BCL2L14: variants seen among roughly 807,000 people sequenced by gnomAD.
BCL2L14 encodes BCL2 like 14.
A neutral mutation model predicts 35.3 loss-of-function variants in BCL2L14; 27 were observed. That is an observed-to-expected ratio of 0.76 (90% CI 0.56 to 1.05). The LOEUF (loss-of-function observed/expected upper bound fraction) is 1.05. Ranked by LOEUF, BCL2L14 falls within the 50% of genes least tolerant of loss-of-function variation. The probability of loss-of-function intolerance (pLI) is 0.00; values close to 1 mark genes in which losing one functional copy is unlikely to be tolerated. For missense variants in BCL2L14, 377 were observed against 382.6 expected (o/e 0.99, Z 0.12); for synonymous variants, 139 against 145.9 (o/e 0.95, Z 0.34).
intron 4 of BCL2L14, among the ~76,000 whole-genome samples, 194 bp downstream of exon 4, chr12:12,091,043 A>G (rs753966181): frequency 6.6e-5 from 10 of 152,262 alleles, no homozygotes; most frequent in Non-Finnish European, 8.8e-5. Flanking sequence ...TTTGGAAAAC[A>G]TAAGTAAACC....
At chr12:12,081,881 G>A (rs1284905469) in intron 2 of BCL2L14, among the ~76,000 whole-genome samples, 5 of 152,064 alleles carry the variant, frequency 3.3e-5, no homozygotes, top group Non-Finnish European at 7.4e-5. Context: ...TAAAAGAAAG[G>A]CCCCCTCCTG....
intron 1 of BCL2L14, among the ~76,000 whole-genome samples, chr12:12,050,814 G>GAAAAGA: frequency 9.0e-6 from 1 of 111,544 alleles, no homozygotes; most frequent in East Asian, 2.7e-4. Flanking sequence ...AAAAAAAAAA[G>GAAAAGA]AAAAGAAAAG....
At chr12:12,082,190 G>A (rs908888496) in intron 2 of BCL2L14, among the ~76,000 whole-genome samples, 3 of 152,326 alleles carry the variant, frequency 2.0e-5, no homozygotes, top group East Asian at 1.9e-4. Flanking sequence ...GCAGAGCCTG[G>A]ACTCACCAGA....
intron 1 of BCL2L14, among the ~76,000 whole-genome samples, chr12:12,073,757 G>A (rs1948720069): frequency 6.6e-6 from 1 of 152,176 alleles, no homozygotes; most frequent in Non-Finnish European, 1.5e-5. Flanking sequence ...GGACCAGGGT[G>A]CACATCTGGC....
At chr12:12,071,878 C>G (rs1641717) in intron 1 of BCL2L14, 109,716 of 152,458 alleles carry the variant, frequency 0.72, 39,599 homozygotes, top group Admixed American at 0.78. Context: ...GCAGAAGGCA[C>G]GAAGAGCCTG....
rs67926025 is a variant in BCL2L14, at chr12:12,090,645, AT to A, written c.608-133del. 7.3e-3 allele frequency: 2,955 copies of A among 404,304 alleles called. 8 individuals carry two copies. Among genetic ancestry groups the A allele is most frequent in the African/African-American group, 0.019 (557 of 30,028 alleles). 25.0% of individuals were successfully genotyped at this position (404,304 alleles called of 1,614,324 possible). On this transcript the variant is annotated intron_variant, in intron 3 of 5. Coordinates refer to ENST00000308721, the MANE Select transcript of BCL2L14 (RefSeq NM_138723.2). The stretch of plus-strand genomic sequence containing the variant: ...CAAAACTCTGTCTAAAAAATAAAAA[AT>A]AAAAAAAAAAAAAAGAATTAGCATG...
intron 5 of BCL2L14, chr12:12,095,432 C>G (rs1949295075): frequency 2.0e-6 from 2 of 985,264 alleles, no homozygotes; most frequent in Admixed American, 6.1e-5. Flanking sequence ...AAAAAGCCAA[C>G]AGTTAAACTT....
At chr12:12,087,775 T>C (rs576044884) in intron 3 of BCL2L14, among the ~76,000 whole-genome samples, 1 of 152,206 alleles carries the variant, frequency 6.6e-6, no homozygotes, top group Non-Finnish European at 1.5e-5. Flanking sequence ...TATTATAACA[T>C]TGCTTTAGGG....
intron 5 of BCL2L14, chr12:12,096,230 A>G (rs1949309104): frequency 1.1e-6 from 1 of 886,264 alleles, no homozygotes; most frequent in Non-Finnish European, 1.4e-6. Flanking sequence ...TCCTCTTAAT[A>G]TATTTTCTCA....
chr12:12,068,546 G>A (rs1279574547), upstream of BCL2L14, among the ~76,000 whole-genome samples: 1 of 152,054 alleles, frequency 6.6e-6, no homozygotes, highest in African/African-American at 2.4e-5. Flanking sequence ...AGGACTACAG[G>A]CATGTGCCAC....
chr12:12,059,220 T>C (rs1948485145), intron 2 of BCL2L14, among the ~76,000 whole-genome samples: 1 of 151,796 alleles, frequency 6.6e-6, no homozygotes, highest in African/African-American at 2.4e-5. Flanking sequence ...CCTTGGTCCT[T>C]CACCCTTAGC....
intron 1 of BCL2L14, among the ~76,000 whole-genome samples, chr12:12,075,089 CT>C (rs976014485): frequency 1.3e-5 from 2 of 151,004 alleles, no homozygotes; most frequent in Non-Finnish European, 3.0e-5. Context: ...ATTGATGTCT[CT>C]TTTTTTTTAA....
intron 2 of BCL2L14, among the ~76,000 whole-genome samples, chr12:12,059,573 G>T (rs996820047): frequency 2.0e-5 from 3 of 149,132 alleles, no homozygotes; most frequent in African/African-American, 7.5e-5. Flanking sequence ...TCCTATCTCT[G>T]TGCCTGACCC....
chr12:12,064,979 T>A (rs1205067465), intron 2 of BCL2L14, among the ~76,000 whole-genome samples: 1 of 152,184 alleles, frequency 6.6e-6, no homozygotes, highest in African/African-American at 2.4e-5. Context: ...TATTTTGTCT[T>A]CACTCAAACC....
At chr12:12,096,648 CTTCAT>C (rs1387454613) in intron 5 of BCL2L14, among the ~76,000 whole-genome samples, 1 of 152,214 alleles carries the variant, frequency 6.6e-6, no homozygotes, top group Non-Finnish European at 1.5e-5. Context: ...TGTTTGACAT[CTTCAT>C]TTCAACAGTA....
At chr12:12,053,321 G>A (rs1393265446) in intron 2 of BCL2L14, among the ~76,000 whole-genome samples, 4 of 152,128 alleles carry the variant, frequency 2.6e-5, no homozygotes, top group African/African-American at 9.7e-5. Context: ...CTCACTCCCT[G>A]CTTTTCTTCC....
intron 2 of BCL2L14, among the ~76,000 whole-genome samples, chr12:12,052,508 T>A (rs1416879379): frequency 2.6e-5 from 4 of 152,246 alleles, no homozygotes; most frequent in Admixed American, 6.5e-5. Flanking sequence ...TCACTTAGCG[T>A]AGTGTCCTCC....
intron 1 of BCL2L14, among the ~76,000 whole-genome samples, chr12:12,073,602 GCA>G (rs58315357): frequency 1.3e-5 from 2 of 151,454 alleles, no homozygotes; most frequent in East Asian, 1.9e-4. Context: ...GCATGCACGC[GCA>G]CACACACACA....
chr12:12,082,557 AT>A (rs929734390), intron 2 of BCL2L14, among the ~76,000 whole-genome samples: 2 of 152,152 alleles, frequency 1.3e-5, no homozygotes, highest in South Asian at 2.1e-4. Context: ...GTCATTTGAC[AT>A]TTTTTTTATT....
Sources: gnomAD v4.1 joint callset for allele counts (sites outside exome capture counted in the v4.1 genomes callset) on GRCh38, gnomAD v4.1.1 for gene constraint, MANE v1.5 for transcripts, NCBI Gene and HGNC (gene_info 2026-07-23, HGNC 2026-07-21) for gene names.